Variants in KIF24 observed in about 807,000 individuals in gnomAD.
The protein encoded by KIF24 is kinesin family member 24.
KIF24 carries 81 observed loss-of-function variants against 118.9 expected under a neutral mutation model. The ratio of observed to expected loss-of-function variants is 0.68; its 90% CI spans 0.57 to 0.82. The LOEUF (loss-of-function observed/expected upper bound fraction) is 0.82, where lower values mean the gene tolerates loss of function less well. Among genes scored for constraint, KIF24 ranks in the 40% least tolerant of loss-of-function variants. KIF24 has a pLI of 0.00. For missense variants in KIF24, 1,560 were observed against 1,661.6 expected, an observed-to-expected ratio of 0.94 and a Z score of 1.06; for synonymous variants, 599 against 610.0, an observed-to-expected ratio of 0.98 and a Z score of 0.27.
At position 34,318,939 on chromosome 9, in the gene KIF24, A is replaced by C. The variant is rs1432281625; in HGVS notation, c.-25-7568T>G. Reference sequence around the variant, plus strand: ...CAGTCCATCCACGAGTGGGCCGTGCAGACCACCGACGGCAAGCTGCCCAAG... The same window carrying C: ...CAGTCCATCCACGAGTGGGCCGTGCCGACCACCGACGGCAAGCTGCCCAAG... On this transcript the variant is annotated intron_variant, in intron 1 of 12. Transcript: ENST00000402558. The surrounding 1 kb of genome is among the most constrained non-coding windows in gnomAD (Gnocchi z 4.9). The C allele has an allele frequency of 1.6e-5, 25 of 1,541,754 alleles. No individual in the cohort carries two copies. The Admixed American group carries it at 4.0e-4, about 25-fold the overall frequency.
In KIF24 at chr9:34,271,688, C is replaced by T. The variant is rs10123931; in HGVS notation, c.1337+121G>A. On this transcript the variant is annotated intron_variant, in intron 7 of 12. Transcript: ENST00000402558. ...ATTTATTTCAGGGCTAACAACTCTA[C>T]TCTGTATCCCTGCAATGAAGAACTC... 7,693 of 1,015,974 alleles carry T rather than the reference C, an allele frequency of 7.6e-3. 390 individuals are homozygous for T. The African/African-American group carries it at 0.11, about 14-fold the overall frequency. 62.9% of individuals were successfully genotyped at this position (1,015,974 alleles called of 1,614,324 possible).
chr9:34,310,242 T>G (rs963876754), intron 2 of KIF24, among the ~76,000 whole-genome samples: 1 of 152,186 alleles, frequency 6.6e-6, no homozygotes, highest in African/African-American at 2.4e-5. Context: ...TGTGTGTAGG[T>G]GAACTAACTG....
intron 6 of KIF24, among the ~76,000 whole-genome samples, chr9:34,275,568 C>T (rs1673347196): frequency 6.6e-6 from 1 of 151,980 alleles, no homozygotes; most frequent in African/African-American, 2.4e-5. Context: ...GGGCCAGGCA[C>T]AGTGGCTCCC....
intron 8 of KIF24, among the ~76,000 whole-genome samples, 164 bp downstream of exon 8, chr9:34,269,093 G>C (rs528858367): frequency 6.6e-6 from 1 of 152,192 alleles, no homozygotes; most frequent in Admixed American, 6.5e-5. Flanking sequence ...AGAATTGTGA[G>C]AGTCTGTCTG....
Position 34,269,301 on chromosome 9 carries a change from GTCTA to G in KIF24, c.1395_1398del (p.Thr468ArgfsTer7), listed in dbSNP as rs1272974570. 6 of 1,611,758 alleles carry G rather than the reference GTCTA, an allele frequency of 3.7e-6. No individual in the cohort carries two copies. The highest frequency in any genetic ancestry group is 2.2e-5 in the East Asian group (1 of 44,714). On this transcript the variant is annotated frameshift_variant, in exon 8 of 13. Transcript: ENST00000402558. LOFTEE classifies it high-confidence loss of function. ...ATTTCTGCACCTTCCATCTTTGTCT[GTCTA>G]TCTGAGTCCCTTGCATCTGCTGCTC...
At chr9:34,304,374 T>G (rs1196071301) in intron 3 of KIF24, among the ~76,000 whole-genome samples, 1 of 152,190 alleles carries the variant, frequency 6.6e-6, no homozygotes, top group Non-Finnish European at 1.5e-5. Context: ...CTATGGGTAT[T>G]CAATAAGTAT....
At chr9:34,323,432 A>T (rs1837581860) in intron 1 of KIF24, among the ~76,000 whole-genome samples, 1 of 152,242 alleles carries the variant, frequency 6.6e-6, no homozygotes, top group Non-Finnish European at 1.5e-5. Context: ...ATCTTAAACC[A>T]GTGCCAAGTA....
rs1181749232 is a variant in KIF24, at chr9:34,318,541, C to T, written c.-25-7170G>A. ...CCAAGGCAGCCACGCTGGCCGAACA[C>T]AGCGCCGGCCTGGCCTTCAGCCTGT... On this transcript the variant is annotated intron_variant, in intron 1 of 12. Coordinates refer to ENST00000402558, the MANE Select transcript of KIF24 (RefSeq NM_194313.4). The surrounding 1 kb of genome is among the most constrained non-coding windows in gnomAD (Gnocchi z 4.9). 4 of 1,051,764 alleles carry T rather than the reference C, an allele frequency of 3.8e-6. No homozygotes were observed. Among genetic ancestry groups the T allele is most frequent in the Non-Finnish European group, 5.8e-6 (4 of 692,172 alleles). 65.2% of individuals were successfully genotyped at this position (1,051,764 alleles called of 1,614,324 possible).
intron 1 of KIF24, among the ~76,000 whole-genome samples, chr9:34,327,063 T>C (rs1162757177): frequency 1.3e-5 from 2 of 152,290 alleles, no homozygotes; most frequent in African/African-American, 2.4e-5. Context: ...TATATTATAC[T>C]ATTATTATTA....
chr9:34,299,956 T>C lies in KIF24; in HGVS notation c.814-2842A>G, dbSNP rs1180262470. Among the ~76,000 whole-genome samples, 3 of 152,082 alleles carry C rather than the reference T, an allele frequency of 2.0e-5. No individual in the cohort carries two copies. The South Asian group carries it at 6.2e-4, about 32-fold the overall frequency. ...ACCATGAATGACAGATAAGGCCTTA[T>C]CTTCTACTTTTTGGGCCTGCTCTAA... On this transcript the variant is annotated intron_variant, in intron 3 of 12. Transcript: ENST00000402558.
intron 6 of KIF24, among the ~76,000 whole-genome samples, chr9:34,279,057 T>C (rs571249155): frequency 6.6e-6 from 1 of 152,224 alleles, no homozygotes; most frequent in African/African-American, 2.4e-5. Context: ...TGACCCGTGA[T>C]TGCACCACTG....
chr9:34,275,805 A>C (rs1835639006), intron 6 of KIF24, among the ~76,000 whole-genome samples: 1 of 151,898 alleles, frequency 6.6e-6, no homozygotes, highest in African/African-American at 2.4e-5. Context: ...GTACCACTGC[A>C]CTCCATCCTG....
chr9:34,266,747 T>A (rs1835309078), intron 8 of KIF24, among the ~76,000 whole-genome samples: 1 of 151,338 alleles, frequency 6.6e-6, no homozygotes, highest in South Asian at 2.1e-4. Context: ...AATGGCTGAT[T>A]CGAGGTCTGG....
chr9:34,303,768 G>C (rs1449200980), intron 3 of KIF24, among the ~76,000 whole-genome samples: 1 of 152,156 alleles, frequency 6.6e-6, no homozygotes, highest in Non-Finnish European at 1.5e-5. Flanking sequence ...AGGATCATTT[G>C]AGCTCAGGAG....
intron 1 of KIF24, among the ~76,000 whole-genome samples, chr9:34,316,108 T>C (rs1256944989): frequency 6.6e-6 from 1 of 152,018 alleles, no homozygotes; most frequent in Non-Finnish European, 1.5e-5. Flanking sequence ...TCCCAGCACT[T>C]TGGCAGGCCA....
At chr9:34,304,622 A>C (rs1249624244) in intron 3 of KIF24, among the ~76,000 whole-genome samples, 2 of 152,204 alleles carry the variant, frequency 1.3e-5, no homozygotes, top group Non-Finnish European at 2.9e-5. Context: ...TCTCCCACTG[A>C]GAACTAATAG....
chr9:34,268,012 T>G (rs1232218281), intron 8 of KIF24, among the ~76,000 whole-genome samples: 1 of 152,224 alleles, frequency 6.6e-6, no homozygotes, highest in African/African-American at 2.4e-5. Flanking sequence ...AGGATTTTAT[T>G]GGCACCTTGA....
At chr9:34,298,604 C>T (rs1836576185) in intron 3 of KIF24, among the ~76,000 whole-genome samples, 2 of 151,212 alleles carry the variant, frequency 1.3e-5, no homozygotes, top group African/African-American at 4.9e-5. Flanking sequence ...TTGTAGGGGT[C>T]TTGGGACACC....
intron 8 of KIF24, among the ~76,000 whole-genome samples, chr9:34,265,611 A>T (rs1206446978): frequency 6.6e-6 from 1 of 152,238 alleles, no homozygotes; most frequent in Non-Finnish European, 1.5e-5. Context: ...AGGTGATTTG[A>T]CAGCATAATA....
Sources: allele counts gnomAD v4.1 joint callset (sites outside exome capture counted in the v4.1 genomes callset), GRCh38; gene constraint gnomAD v4.1.1; non-coding constraint Gnocchi (gnomAD v3.1); transcripts MANE v1.5; gene names NCBI Gene and HGNC (gene_info 2026-07-23, HGNC 2026-07-21).